OLA1: variants seen among roughly 807,000 people sequenced by gnomAD.
OLA1 encodes obg-like ATPase 1.
In OLA1, 14 loss-of-function variants were observed where a neutral mutation model predicts 48.4. The observed-to-expected ratio is 0.29, with a 90% CI of 0.19 to 0.45. The LOEUF (loss-of-function observed/expected upper bound fraction) is 0.45, where lower values mean the gene tolerates loss of function less well. OLA1 is among the 20% of genes least tolerant of loss of function. The pLI is 1.00. For missense variants in OLA1, 325 were observed against 467.1 expected, an observed-to-expected ratio of 0.70 and a Z score of 2.80; for synonymous variants, 127 against 150.4, an observed-to-expected ratio of 0.84 and a Z score of 1.14.
chr2:174,196,816 G>A (rs761715901), intron 4 of OLA1, among the ~76,000 whole-genome samples: 1 of 152,138 alleles, frequency 6.6e-6, no homozygotes, highest in Non-Finnish European at 1.5e-5. Flanking sequence ...CAGAATATCT[G>A]CTATAATCTT....
intron 2 of OLA1, among the ~76,000 whole-genome samples, chr2:174,231,865 T>A (rs1401945908): frequency 1.3e-5 from 2 of 152,230 alleles, no homozygotes; most frequent in African/African-American, 4.8e-5. Flanking sequence ...TCTATTCAAA[T>A]CTATTAAGAA....
intron 2 of OLA1, 93 bp from the exon 3 acceptor site, chr2:174,229,544 G>A (rs1688683942): frequency 2.2e-6 from 2 of 904,786 alleles, no homozygotes; most frequent in South Asian, 1.7e-5. Flanking sequence ...TAAGATCCAT[G>A]AGGAATATAA....
At chr2:174,125,022 A>AT (rs1251392300) in intron 5 of OLA1, among the ~76,000 whole-genome samples, 1 of 152,180 alleles carries the variant, frequency 6.6e-6, no homozygotes, top group Non-Finnish European at 1.5e-5. Context: ...CTATAACTGA[A>AT]TTTCACTCAT....
chr2:174,141,212 G>C (rs1341972379), intron 5 of OLA1, among the ~76,000 whole-genome samples: 2 of 152,224 alleles, frequency 1.3e-5, no homozygotes, highest in Admixed American at 6.5e-5. Context: ...GATTATAGGC[G>C]TGAGCCACCA....
intron 4 of OLA1, among the ~76,000 whole-genome samples, chr2:174,205,878 C>G (rs1190671968): frequency 7.2e-5 from 11 of 152,162 alleles, no homozygotes. Flanking sequence ...ATTATTTTGA[C>G]CAGTCCTGCA....
intron 7 of OLA1, among the ~76,000 whole-genome samples, chr2:174,120,919 C>T (rs184912798): frequency 2.4e-4 from 37 of 152,232 alleles, no homozygotes; most frequent in African/African-American, 7.7e-4. Flanking sequence ...CTGTTTCCTG[C>T]ATCAGTCTTA....
chr2:174,089,287 T>C lies in OLA1; in HGVS notation c.729-7223A>G, dbSNP rs115074936. 4.6e-3 allele frequency among the ~76,000 whole-genome samples: 697 copies of C among 152,358 alleles called. 3 individuals are homozygous for C. Among genetic ancestry groups the C allele is most frequent in the African/African-American group, 0.016 (672 of 41,590 alleles). ...TTTAACAAGCTCCCTGGGTGATTCA[T>C]ATGCATGTTAAACTTTCAGAAGCAC... On this transcript the variant is annotated intron_variant, in intron 7 of 10. Transcript: ENST00000284719.
intron 4 of OLA1, among the ~76,000 whole-genome samples, chr2:174,206,609 A>G (rs1009373670): frequency 4.7e-5 from 5 of 106,418 alleles, no homozygotes; most frequent in African/African-American, 1.8e-4. Flanking sequence ...ATATAAGACC[A>G]CCATGAATGA....
intron 4 of OLA1, among the ~76,000 whole-genome samples, chr2:174,213,635 T>G (rs898582532): frequency 6.6e-6 from 1 of 152,188 alleles, no homozygotes; most frequent in Non-Finnish European, 1.5e-5. Context: ...AAAAAGTTAG[T>G]GGTTTTTCCA....
chr2:174,091,516 A>G (rs1685112373), intron 7 of OLA1, among the ~76,000 whole-genome samples: 1 of 152,264 alleles, frequency 6.6e-6, no homozygotes. Flanking sequence ...TATGCCAGAA[A>G]TTAAACAAGT....
intron 3 of OLA1, among the ~76,000 whole-genome samples, chr2:174,226,605 T>C (rs1010192096): frequency 6.6e-6 from 1 of 152,236 alleles, no homozygotes; most frequent in African/African-American, 2.4e-5. Flanking sequence ...GTTCAAGCGA[T>C]TCTCCTGCCT....
intron 2 of OLA1, among the ~76,000 whole-genome samples, chr2:174,230,961 G>A (rs1331146158): frequency 6.6e-6 from 1 of 152,140 alleles, no homozygotes; most frequent in Non-Finnish European, 1.5e-5. Context: ...TGCCCATTCT[G>A]GGCAAAAGAA....
chr2:174,088,877 A>T (rs796502585), intron 7 of OLA1, among the ~76,000 whole-genome samples: 82 of 148,144 alleles, frequency 5.5e-4, no homozygotes, highest in African/African-American at 2.0e-3. Context: ...TCCTGTCTCA[A>T]AAATAAATAA....
intron 4 of OLA1, among the ~76,000 whole-genome samples, chr2:174,165,987 TG>T (rs1287447653): frequency 5.9e-5 from 9 of 151,924 alleles, no homozygotes; most frequent in Non-Finnish European, 1.3e-4. Context: ...TAGCCGGACA[TG>T]GTGGCATGTG....
intron 4 of OLA1, among the ~76,000 whole-genome samples, chr2:174,163,760 AT>A (rs1687085219): frequency 1.7e-4 from 6 of 34,406 alleles, no homozygotes; most frequent in African/African-American, 1.1e-4. Context: ...ATATATATAT[AT>A]ATATATATAT....
intron 4 of OLA1, among the ~76,000 whole-genome samples, chr2:174,198,116 C>A (rs1687918811): frequency 1.3e-5 from 2 of 152,134 alleles, no homozygotes; most frequent in African/African-American, 4.8e-5. Context: ...AGGCATGCCA[C>A]CACGTCCAGC....
In OLA1 at chr2:174,163,173, T is replaced by A. The variant is rs899927874; in HGVS notation, c.374-21173A>T. 2.6e-5 allele frequency among the ~76,000 whole-genome samples: 4 copies of A among 152,186 alleles called. No individual in the cohort carries two copies. In the East Asian group the frequency reaches 7.7e-4, roughly 29 times the overall value. ...GATTCTGGATTACTAGGGAGAAGCC[T>A]GAGATTCTGCATTTTAAAGCAAACA... On this transcript the variant is annotated intron_variant, in intron 4 of 10. Transcript: ENST00000284719.
intron 7 of OLA1, among the ~76,000 whole-genome samples, chr2:174,096,259 C>T (rs1013672651): frequency 6.6e-6 from 1 of 152,014 alleles, no homozygotes; most frequent in African/African-American, 2.4e-5. Flanking sequence ...TAGTGGTTAC[C>T]AGGGATTAGG....
At chr2:174,147,681 C>T (rs890420743) in intron 4 of OLA1, among the ~76,000 whole-genome samples, 6 of 152,026 alleles carry the variant, frequency 3.9e-5, no homozygotes, top group Non-Finnish European at 7.4e-5. Context: ...TTAATGACAC[C>T]GACCAAATGC....
Sources: allele counts gnomAD v4.1 joint callset (sites outside exome capture counted in the v4.1 genomes callset), GRCh38; gene constraint gnomAD v4.1.1; transcripts MANE v1.5; gene names NCBI Gene and HGNC (gene_info 2026-07-23, HGNC 2026-07-21).